Variants in CDKL4 observed in about 807,000 individuals in gnomAD.
CDKL4 encodes the protein cyclin-dependent kinase-like 4.
Under a neutral mutation model 42.0 loss-of-function variants are expected in CDKL4, and 44 were observed. The observed-to-expected ratio is 1.05, with a 90% CI of 0.82 to 1.35. The LOEUF (loss-of-function observed/expected upper bound fraction) is 1.35, where lower values mean the gene tolerates loss of function less well. Among genes scored for constraint, CDKL4 ranks in the 40% most tolerant of loss-of-function variants. CDKL4 has a pLI of 0.00. For missense variants in CDKL4, 393 were observed against 369.9 expected (o/e 1.06, Z -0.51); for synonymous variants, 120 against 121.6 (o/e 0.99, Z 0.09).
At chr2:39,208,240 ACT>A (rs991571654) in intron 4 of CDKL4, among the ~76,000 whole-genome samples, 16 of 152,140 alleles carry the variant, frequency 1.1e-4, no homozygotes, top group African/African-American at 3.6e-4. Context: ...CTCAATGCAA[ACT>A]CTCTGCAATG....
intron 4 of CDKL4, among the ~76,000 whole-genome samples, chr2:39,207,900 G>C (rs771810231): frequency 6.6e-6 from 1 of 152,060 alleles, no homozygotes; most frequent in African/African-American, 2.4e-5. Flanking sequence ...TCAGGAGTTC[G>C]AGACCAGCCT....
intron 4 of CDKL4, among the ~76,000 whole-genome samples, chr2:39,205,228 A>G (rs944350248): frequency 6.6e-6 from 1 of 152,164 alleles, no homozygotes; most frequent in Non-Finnish European, 1.5e-5. Flanking sequence ...GTAACATACA[A>G]TTATTTCTTT....
At chr2:39,244,894 T>A (rs932866000), upstream of CDKL4, among the ~76,000 whole-genome samples, 4 of 152,148 alleles carry the variant, frequency 2.6e-5, no homozygotes, top group African/African-American at 9.7e-5. Flanking sequence ...ACACTCTGTA[T>A]CTAGCTGCTC....
At chr2:39,177,988 G>A (rs1675240592) in intron 9 of CDKL4, among the ~76,000 whole-genome samples, 1 of 152,184 alleles carries the variant, frequency 6.6e-6, no homozygotes, top group Non-Finnish European at 1.5e-5. Context: ...CGCGCCAGCT[G>A]AGATGTTTTT....
intron 4 of CDKL4, among the ~76,000 whole-genome samples, chr2:39,206,655 A>C (rs1677214969): frequency 1.3e-5 from 2 of 152,198 alleles, no homozygotes; most frequent in African/African-American, 4.8e-5. Flanking sequence ...ATCGATCTCC[A>C]CAACTGGGCC....
chr2:39,245,925 A>T (rs1679896150), upstream of CDKL4, among the ~76,000 whole-genome samples: 1 of 152,228 alleles, frequency 6.6e-6, no homozygotes, highest in Non-Finnish European at 1.5e-5. Flanking sequence ...CAGGTTTGAC[A>T]CCCATTAGGG....
chr2:39,175,064 A>T (rs1435355619), downstream of CDKL4, among the ~76,000 whole-genome samples: 1 of 152,194 alleles, frequency 6.6e-6, no homozygotes, highest in African/African-American at 2.4e-5. Flanking sequence ...AAGAGATATG[A>T]AATAATATTA....
chr2:39,215,483 A>G (rs187952054), intron 3 of CDKL4, among the ~76,000 whole-genome samples: 357 of 152,338 alleles, frequency 2.3e-3, no homozygotes, highest in African/African-American at 8.2e-3. Flanking sequence ...AATCTGAAAC[A>G]TAAGAGTTTC....
At chr2:39,246,452 CCA>C (rs1253023524), upstream of CDKL4, among the ~76,000 whole-genome samples, 1 of 152,220 alleles carries the variant, frequency 6.6e-6, no homozygotes, top group Non-Finnish European at 1.5e-5. Context: ...TACTTGCTCT[CCA>C]GTTTCTGAAA....
intron 1 of CDKL4, among the ~76,000 whole-genome samples, chr2:39,235,635 T>TA (rs1347390691): frequency 2.0e-5 from 3 of 152,154 alleles, no homozygotes; most frequent in Non-Finnish European, 4.4e-5. Flanking sequence ...TATTCCTAGC[T>TA]ACTCAGGAAG....
intron 2 of CDKL4, among the ~76,000 whole-genome samples, 166 bp downstream of exon 2, chr2:39,229,199 C>T (rs747450341): frequency 1.2e-4 from 19 of 152,292 alleles, no homozygotes; most frequent in African/African-American, 4.3e-4. Flanking sequence ...CAGACAAAAT[C>T]AGAGTGGCCG....
chr2:39,197,606 T>G (rs1676597376), intron 5 of CDKL4, among the ~76,000 whole-genome samples: 1 of 152,172 alleles, frequency 6.6e-6, no homozygotes, highest in Admixed American at 6.5e-5. Flanking sequence ...TCAGGTACTA[T>G]AAAGGAAAAC....
At chr2:39,184,766 C>T in intron 7 of CDKL4, 119 bp from the exon 8 acceptor site, 1 of 643,562 alleles carries the variant, frequency 1.6e-6, no homozygotes, top group Non-Finnish European at 2.7e-6. Context: ...ATACTGTCTC[C>T]CTCTATCTCC....
chr2:39,196,555 T>C (rs1182481395), intron 5 of CDKL4, among the ~76,000 whole-genome samples: 12 of 152,090 alleles, frequency 7.9e-5, no homozygotes, highest in Non-Finnish European at 1.8e-4. Context: ...TCTGACATAG[T>C]CTACCCAAAT....
chr2:39,244,970 A>G (rs10178527), upstream of CDKL4, among the ~76,000 whole-genome samples: 128,601 of 151,980 alleles, frequency 0.85, 54,602 homozygotes, highest in Non-Finnish European at 0.89. Flanking sequence ...GGGACGTGGA[A>G]AACCTTTATG....
At chr2:39,170,872 C>T (rs1183833264), downstream of CDKL4, among the ~76,000 whole-genome samples, 1 of 152,012 alleles carries the variant, frequency 6.6e-6, no homozygotes, top group African/African-American at 2.4e-5. Context: ...GATTAGAAAT[C>T]AATGGTGGTG....
chr2:39,175,457 T>C (rs1675126776), downstream of CDKL4, among the ~76,000 whole-genome samples: 1 of 152,228 alleles, frequency 6.6e-6, no homozygotes, highest in Non-Finnish European at 1.5e-5. Flanking sequence ...GAGCCTGCCA[T>C]GGAATCTAGA....
upstream of CDKL4, among the ~76,000 whole-genome samples, chr2:39,246,416 C>A (rs1295799189): frequency 1.3e-5 from 2 of 152,180 alleles, no homozygotes; most frequent in East Asian, 3.8e-4. Flanking sequence ...ATGTACAAAT[C>A]CATCAACCCA....
intron 6 of CDKL4, among the ~76,000 whole-genome samples, chr2:39,188,884 G>T (rs1452350240): frequency 6.6e-6 from 1 of 152,098 alleles, no homozygotes; most frequent in African/African-American, 2.4e-5. Context: ...CAGATATGGG[G>T]TCTGCCTATG....
Sources: allele counts gnomAD v4.1 joint callset (sites outside exome capture counted in the v4.1 genomes callset), GRCh38; gene constraint gnomAD v4.1.1; transcripts MANE v1.5; gene names NCBI Gene and HGNC (gene_info 2026-07-23, HGNC 2026-07-21).